EXTL3: variants seen among roughly 807,000 people sequenced by gnomAD.
EXTL3 encodes the protein exostosin-like 3.
A neutral mutation model predicts 69.3 loss-of-function variants in EXTL3; 27 were observed. That is an observed-to-expected ratio of 0.39 (90% CI 0.29 to 0.54). The LOEUF (loss-of-function observed/expected upper bound fraction) is 0.54, where lower values mean the gene tolerates loss of function less well. EXTL3 is among the 20% of genes least tolerant of loss of function. EXTL3 has a pLI of 0.69. For synonymous variants in EXTL3, 511 were observed against 499.4 expected, an observed-to-expected ratio of 1.02 and a Z score of -0.31; for missense variants, 1,003 against 1,231.8, an observed-to-expected ratio of 0.81 and a Z score of 2.78.
intron 1 of EXTL3, among the ~76,000 whole-genome samples, chr8:28,632,778 T>C (rs1218439160): frequency 6.6e-6 from 1 of 151,842 alleles, no homozygotes; most frequent in African/African-American, 2.4e-5. Flanking sequence ...GGTCTCGAAC[T>C]CCTGACCTCA....
rs143033467 is a variant in EXTL3, at chr8:28,673,609, C to G, written c.-52-39848C>G. Among the ~76,000 whole-genome samples the G allele has an allele frequency of 6.9e-3, 1,047 of 152,298 alleles. 3 individuals carry two copies. Among genetic ancestry groups the G allele is most frequent in the Non-Finnish European group, 0.011 (755 of 68,034 alleles). Reference sequence around the variant, plus strand: ...ACAGAAAGGCTGGTCATGGGACTTACTATCCATAATCGTGTGAGTCAATTC... The same window carrying G: ...ACAGAAAGGCTGGTCATGGGACTTAGTATCCATAATCGTGTGAGTCAATTC... On this transcript the variant is annotated intron_variant, in intron 1 of 6. Transcript: ENST00000523149.
At chr8:28,627,636 A>G (rs538508022) in intron 1 of EXTL3, among the ~76,000 whole-genome samples, 34 of 152,340 alleles carry the variant, frequency 2.2e-4, no homozygotes, top group African/African-American at 7.9e-4. Flanking sequence ...ATATTTATAC[A>G]TCCATGTACC....
At chr8:28,695,848 G>C (rs1402614823) in intron 1 of EXTL3, among the ~76,000 whole-genome samples, 1 of 152,110 alleles carries the variant, frequency 6.6e-6, no homozygotes, top group African/African-American at 2.4e-5. Context: ...GGGAATAATT[G>C]GCAACTCCAG....
At chr8:28,745,000 C>CT (rs1801860121) in intron 6 of EXTL3, among the ~76,000 whole-genome samples, 1 of 151,960 alleles carries the variant, frequency 6.6e-6, no homozygotes, top group South Asian at 2.1e-4. Context: ...GTGTTCTAGA[C>CT]TAAGTACCCA....
chr8:28,620,951 G>A (rs1806402980), upstream of EXTL3, among the ~76,000 whole-genome samples: 2 of 152,166 alleles, frequency 1.3e-5, no homozygotes, highest in African/African-American at 4.8e-5. Flanking sequence ...CTGAGCTCAA[G>A]CGATCCTCCC....
chr8:28,731,812 G>C (rs1399248073), intron 4 of EXTL3, among the ~76,000 whole-genome samples: 1 of 152,072 alleles, frequency 6.6e-6, no homozygotes, highest in Non-Finnish European at 1.5e-5. Context: ...AAAAAGATTT[G>C]GGGGAAGGAG....
Position 28,616,269 on chromosome 8 carries a change from G to A in EXTL3, n.314+8511G>A, listed in dbSNP as rs995154670. Among the ~76,000 whole-genome samples the A allele has an allele frequency of 6.1e-4, 93 of 151,848 alleles. 1 individual carries two copies. The highest frequency in any genetic ancestry group is 4.4e-4 in the Non-Finnish European group (30 of 67,972). On this transcript the variant is annotated intron_variant and non_coding_transcript_variant, in intron 2 of 4. Transcript: ENST00000522725. ...AATGGGGGAGGGGGTGAGGAATTAAGAGTCAGTAACTGAAGGAGGGAGATG... is the reference window on the plus strand; with the variant it reads ...AATGGGGGAGGGGGTGAGGAATTAAAAGTCAGTAACTGAAGGAGGGAGATG...
At position 28,717,238 on chromosome 8, in the gene EXTL3, G is replaced by A; in HGVS notation, c.1179G>A (p.Gln393=). 1 of 1,614,238 alleles carries A rather than the reference G, an allele frequency of 6.2e-7. No individual in the cohort carries two copies. Among genetic ancestry groups the A allele is most frequent in the Non-Finnish European group, 8.5e-7 (1 of 1,180,050 alleles). Residue 393 remains glutamine (Q), a synonymous_variant, in exon 3 of 7, where the codon CAG becomes CAA. Transcript: ENST00000220562. The surrounding 1 kb of genome is among the most constrained non-coding windows in gnomAD (Gnocchi z 8.3). ...CGGTGCAGGACAGCAAGCTGGATCAGGTCCTGGTGGAATTCACCTGCAAAA... is the reference window on the plus strand; with the variant it reads ...CGGTGCAGGACAGCAAGCTGGATCAAGTCCTGGTGGAATTCACCTGCAAAA... ...LKAVQDSKLD[Q]VLVEFTCKNQ...
rs114014953 is a variant in EXTL3, at chr8:28,724,889, A to G, written c.2149-6334A>G. On this transcript the variant is annotated intron_variant, in intron 3 of 6. Coordinates refer to ENST00000220562, the MANE Select transcript of EXTL3 (RefSeq NM_001440.4). ...CCTCCCATCGCTCACCTCCCTCCCC[A>G]CTCACTTCAAGCTCTGTTACCTAGG... Among the ~76,000 whole-genome samples the G allele has an allele frequency of 6.7e-3, 1,014 of 151,522 alleles. 12 individuals carry two copies. The highest frequency in any genetic ancestry group is 0.023 in the African/African-American group (934 of 41,268).
rs769361447 is a variant in EXTL3, at chr8:28,737,547, G to T, written c.2305G>T (p.Val769Leu). The change falls in exon 5 of 7, where the codon GTG (valine) becomes TTG (leucine). Residue 769 changes from valine to leucine, a missense_variant. Coordinates refer to ENST00000220562, the MANE Select transcript of EXTL3 (RefSeq NM_001440.4). The part of the protein sequence containing the change: ...RVWREARDRI[V>L]GFPGRYHAWD... ...GTGGAGAGAAGCTCGGGACCGCATC[G>T]TGGGCTTCCCTGGCCGTTACCACGC... 1 of 1,614,012 alleles carries T rather than the reference G, an allele frequency of 6.2e-7. No individual in the cohort carries two copies.
At chr8:28,636,287 G>A (rs536455015) in intron 1 of EXTL3, among the ~76,000 whole-genome samples, 24 of 150,182 alleles carry the variant, frequency 1.6e-4, no homozygotes, top group Admixed American at 3.3e-4. Context: ...AGCCGAGATC[G>A]CGCGACTGCA....
rs1380416983 is a variant in EXTL3, at chr8:28,755,312, C to T, written c.*4446C>T. On this transcript the variant is annotated 3_prime_UTR_variant, in exon 7 of 7. Coordinates refer to ENST00000220562, the MANE Select transcript of EXTL3 (RefSeq NM_001440.4). ...CTGTGTGCTGGCCACTGCTCTGCCT[C>T]CCACACCGGACTGCAGCCTCTCAAG... The T allele has an allele frequency of 6.6e-6, 1 of 152,558 alleles. No individual in the cohort carries two copies. Among genetic ancestry groups the T allele is most frequent in the Non-Finnish European group, 1.5e-5 (1 of 68,104 alleles). 9.5% of individuals were successfully genotyped at this position (152,558 alleles called of 1,614,324 possible). A position where few individuals can be genotyped will look rare whatever the true frequency, so the allele number is the denominator to read the frequency against.
chr8:28,697,012 A>G (rs771125079), upstream of EXTL3: 10 of 152,214 alleles, frequency 6.6e-5, no homozygotes, highest in Non-Finnish European at 1.2e-4. Context: ...ATAATGAATT[A>G]TCTTCCATCA....
At chr8:28,663,169 A>C (rs941896729) in intron 1 of EXTL3, among the ~76,000 whole-genome samples, 5 of 152,226 alleles carry the variant, frequency 3.3e-5, no homozygotes, top group African/African-American at 1.2e-4. Flanking sequence ...AGCAAATTTT[A>C]CTCAGTCCTT....
intron 1 of EXTL3, among the ~76,000 whole-genome samples, chr8:28,642,077 C>T (rs1349935314): frequency 1.3e-5 from 2 of 152,022 alleles, no homozygotes; most frequent in South Asian, 2.1e-4. Context: ...CCTCGTGATC[C>T]GCCCGCCTCA....
intron 1 of EXTL3, among the ~76,000 whole-genome samples, chr8:28,625,587 C>T (rs1806478418): frequency 6.6e-6 from 1 of 152,188 alleles, no homozygotes; most frequent in South Asian, 2.1e-4. Flanking sequence ...AAACATCACT[C>T]TATTCCTATT....
At chr8:28,640,230 C>T (rs1440762867) in intron 1 of EXTL3, among the ~76,000 whole-genome samples, 1 of 152,258 alleles carries the variant, frequency 6.6e-6, no homozygotes, top group East Asian at 1.9e-4. Flanking sequence ...TTGACTTGTA[C>T]CATAAAATGA....
intron 2 of EXTL3, 142 bp downstream of exon 2, chr8:28,713,692 C>A (rs1801077746): frequency 1.6e-6 from 1 of 608,998 alleles, no homozygotes; most frequent in African/African-American, 1.9e-5. Context: ...ATTTGAATCA[C>A]AAGGATAATG....
chr8:28,718,862 C>G (rs1234760303), intron 3 of EXTL3, among the ~76,000 whole-genome samples: 4 of 152,182 alleles, frequency 2.6e-5, no homozygotes, highest in African/African-American at 9.7e-5. Context: ...CTTTCTCATT[C>G]TTTACTCCAT....
Sources: gnomAD v4.1 joint callset for allele counts (sites outside exome capture counted in the v4.1 genomes callset) on GRCh38, gnomAD v4.1.1 for gene constraint, Gnocchi (gnomAD v3.1) non-coding constraint, MANE v1.5 for transcripts, NCBI Gene and HGNC (gene_info 2026-07-23, HGNC 2026-07-21) for gene names.